The following RNF180 variants were observed in gnomAD, a reference collection of about 807,000 sequenced individuals.
RNF180 encodes E3 ubiquitin-protein ligase RNF180.
Under a neutral mutation model 59.2 loss-of-function variants are expected in RNF180, and 38 were observed. That is an observed-to-expected ratio of 0.64 (90% CI 0.50 to 0.84). The LOEUF is 0.84. Among genes scored for constraint, RNF180 ranks in the 40% least tolerant of loss-of-function variants. RNF180 has a pLI of 0.00. For missense variants in RNF180, 705 were observed against 700.9 expected (o/e 1.01, Z -0.07); for synonymous variants, 262 against 240.3 (o/e 1.09, Z -0.84).
At chr5:64,218,888 TG>T (rs1266344749) in intron 5 of RNF180, among the ~76,000 whole-genome samples, 1 of 152,236 alleles carries the variant, frequency 6.6e-6, no homozygotes, top group Non-Finnish European at 1.5e-5. Context: ...ACACTATTTT[TG>T]TTTTGACTTT....
chr5:64,179,292 A>T (rs994318216), intron 1 of RNF180, among the ~76,000 whole-genome samples: 13 of 152,188 alleles, frequency 8.5e-5, no homozygotes, highest in Admixed American at 5.2e-4. Flanking sequence ...TTAGTATTAG[A>T]AAATATTAAT....
intron 5 of RNF180, among the ~76,000 whole-genome samples, chr5:64,302,321 G>A (rs1231073086): frequency 6.6e-6 from 1 of 151,562 alleles, no homozygotes; most frequent in Non-Finnish European, 1.5e-5. Context: ...TTGTGGTAGG[G>A]ATATTTATTT....
intron 7 of RNF180, among the ~76,000 whole-genome samples, chr5:64,349,607 G>T (rs544591274): frequency 3.3e-5 from 5 of 151,458 alleles, no homozygotes; most frequent in Non-Finnish European, 5.9e-5. Flanking sequence ...ACCATGACAG[G>T]CCCCAGTGTG....
intron 1 of RNF180, among the ~76,000 whole-genome samples, chr5:64,186,413 TGGGA>T (rs1458625082): frequency 2.0e-5 from 3 of 152,080 alleles, no homozygotes; most frequent in Non-Finnish European, 4.4e-5. Context: ...GAGAAGCACT[TGGGA>T]GGAAGAAGGC....
chr5:64,333,153 A>T (rs910448766), intron 7 of RNF180, among the ~76,000 whole-genome samples: 1 of 152,170 alleles, frequency 6.6e-6, no homozygotes, highest in Admixed American at 6.5e-5. Flanking sequence ...TTTGGTATAG[A>T]TAGGTTTTAT....
chr5:64,287,187 G>A (rs1025160153), intron 5 of RNF180, among the ~76,000 whole-genome samples: 10 of 151,978 alleles, frequency 6.6e-5, no homozygotes, highest in Admixed American at 2.0e-4. Flanking sequence ...GGCTGGTCTC[G>A]AACTCCTGAC....
chr5:64,210,285 G>GTTCAT (rs1752237111), intron 2 of RNF180, among the ~76,000 whole-genome samples: 1 of 152,114 alleles, frequency 6.6e-6, no homozygotes, highest in Non-Finnish European at 1.5e-5. Context: ...TCTTCACAGA[G>GTTCAT]TTCATGATCT....
At chr5:64,357,536 T>C (rs911768067) in intron 7 of RNF180, among the ~76,000 whole-genome samples, 1 of 151,872 alleles carries the variant, frequency 6.6e-6, no homozygotes, top group Non-Finnish European at 1.5e-5. Context: ...GCTGAAAATA[T>C]ATTTGAAAGG....
chr5:64,179,031 T>G (rs1315033233), intron 1 of RNF180, among the ~76,000 whole-genome samples: 1 of 152,164 alleles, frequency 6.6e-6, no homozygotes, highest in Non-Finnish European at 1.5e-5. Context: ...CAGGTGTTGT[T>G]GCTGCTCCTT....
intron 7 of RNF180, among the ~76,000 whole-genome samples, chr5:64,352,459 G>A (rs1196450194): frequency 1.3e-5 from 2 of 151,770 alleles, no homozygotes; most frequent in Non-Finnish European, 2.9e-5. Context: ...TGATATGTTT[G>A]CCCTTGCTTC....
Position 64,325,169 on chromosome 5 carries a change from TTTC to T in RNF180, c.1228-14_1228-12del, listed in dbSNP as rs1744570948. 1.3e-6 allele frequency: 2 copies of T among 1,504,210 alleles called. No individual in the cohort carries two copies. Among genetic ancestry groups the T allele is most frequent in the African/African-American group, 1.4e-5 (1 of 71,838 alleles). 93.2% of individuals were successfully genotyped at this position (1,504,210 alleles called of 1,614,324 possible). On this transcript the variant is annotated splice_polypyrimidine_tract_variant and intron_variant, in intron 5 of 7. Transcript: ENST00000389100. Reference sequence around the variant, plus strand: ...TCTCATACTAAATTAAGAAAAAAGTTTTCTTATGTTTTGCAGACTTTGAATAAT... The same window carrying T: ...TCTCATACTAAATTAAGAAAAAAGTTTTATGTTTTGCAGACTTTGAATAAT...
intron 7 of RNF180, among the ~76,000 whole-genome samples, chr5:64,367,809 T>G (rs1213341381): frequency 6.6e-6 from 1 of 151,658 alleles, no homozygotes; most frequent in Non-Finnish European, 1.5e-5. Flanking sequence ...GAATTACATT[T>G]TTCTGCCTAG....
chr5:64,342,405 T>A (rs1306564267), intron 7 of RNF180, among the ~76,000 whole-genome samples: 3 of 152,146 alleles, frequency 2.0e-5, no homozygotes, highest in Non-Finnish European at 2.9e-5. Flanking sequence ...GCAGAAGTTT[T>A]GATAACCATA....
intron 7 of RNF180, among the ~76,000 whole-genome samples, chr5:64,360,094 C>T (rs976783497): frequency 4.6e-5 from 7 of 151,968 alleles, no homozygotes; most frequent in African/African-American, 1.7e-4. Context: ...GTTCTATTGG[C>T]TTAGGATTGA....
At chr5:64,321,343 A>G (rs552434376) in intron 5 of RNF180, among the ~76,000 whole-genome samples, 8 of 152,142 alleles carry the variant, frequency 5.3e-5, no homozygotes, top group East Asian at 1.9e-4. Context: ...TACAAAATCA[A>G]TGTGCAAAAA....
At chr5:64,231,767 C>G (rs1354610720) in intron 5 of RNF180, among the ~76,000 whole-genome samples, 1 of 152,196 alleles carries the variant, frequency 6.6e-6, no homozygotes, top group African/African-American at 2.4e-5. Context: ...GCTATCATCT[C>G]ACTTATATTA....
At position 64,315,441 on chromosome 5, in the gene RNF180, T is replaced by A. The variant is rs1222281320; in HGVS notation, c.1228-9745T>A. Among the ~76,000 whole-genome samples the A allele has an allele frequency of 2.6e-5, 4 of 152,132 alleles. No homozygotes were observed. In the East Asian group the frequency reaches 7.7e-4, roughly 29 times the overall value. On this transcript the variant is annotated intron_variant, in intron 5 of 7. Coordinates refer to ENST00000389100, the MANE Select transcript of RNF180 (RefSeq NM_001113561.2). ...AAGCTAATGCAGCTCACAATTCAAA[T>A]AATAACCAAGATGCTTTTACTCGGC...
intron 5 of RNF180, among the ~76,000 whole-genome samples, chr5:64,302,597 A>G (rs1355076619): frequency 3.3e-5 from 5 of 151,640 alleles, no homozygotes; most frequent in Non-Finnish European, 5.9e-5. Flanking sequence ...CTGTCATGGC[A>G]GAACTGTCTA....
At chr5:64,205,676 G>A (rs1177660850) in intron 2 of RNF180, among the ~76,000 whole-genome samples, 4 of 152,162 alleles carry the variant, frequency 2.6e-5, no homozygotes, top group Non-Finnish European at 4.4e-5. Context: ...TTTAGGTGAA[G>A]CTGTGAGAGT....
Sources: gnomAD v4.1 joint callset for allele counts (sites outside exome capture counted in the v4.1 genomes callset) on GRCh38, gnomAD v4.1.1 for gene constraint, MANE v1.5 for transcripts, NCBI Gene and HGNC (gene_info 2026-07-23, HGNC 2026-07-21) for gene names.